Variants in DLG1 observed in about 807,000 individuals in gnomAD.
The protein encoded by DLG1 is disks large homolog 1.
A neutral mutation model predicts 123.4 loss-of-function variants in DLG1; 42 were observed. The observed-to-expected ratio is 0.34, with a 90% CI of 0.27 to 0.44. The LOEUF (loss-of-function observed/expected upper bound fraction) is 0.44, where lower values mean the gene tolerates loss of function less well. DLG1 is among the 20% of genes least tolerant of loss of function. The pLI, the probability that DLG1 is intolerant of heterozygous loss-of-function variation, is 1.00. For missense variants in DLG1, 942 were observed against 1,082.6 expected (o/e 0.87, Z 1.82); for synonymous variants, 317 against 356.2 (o/e 0.89, Z 1.24).
At chr3:197,237,707 G>A (rs560930724) in intron 4 of DLG1, among the ~76,000 whole-genome samples, 1 of 152,290 alleles carries the variant, frequency 6.6e-6, no homozygotes, top group East Asian at 1.9e-4. Context: ...CACTGGCCGG[G>A]GGTAGAGGGA....
chr3:197,232,284 G>A (rs985675444), intron 4 of DLG1, among the ~76,000 whole-genome samples: 26 of 150,050 alleles, frequency 1.7e-4, no homozygotes, highest in African/African-American at 6.4e-4. Context: ...GAAGACAACT[G>A]AGCACAGGAG....
intron 4 of DLG1, among the ~76,000 whole-genome samples, chr3:197,197,050 T>A: frequency 6.6e-6 from 1 of 152,326 alleles, no homozygotes; most frequent in Non-Finnish European, 1.5e-5. Context: ...CTTTTAAGTA[T>A]CTTTTAATTT....
intron 23 of DLG1, among the ~76,000 whole-genome samples, chr3:197,054,974 C>A (rs1051123844): frequency 7.9e-5 from 12 of 152,082 alleles, no homozygotes; most frequent in Non-Finnish European, 1.3e-4. Flanking sequence ...CGCCACCACG[C>A]CCAGCTAATT....
In DLG1 at chr3:197,130,685, C is replaced by A; in HGVS notation, c.1021-14G>T. On this transcript the variant is annotated splice_polypyrimidine_tract_variant and intron_variant, in intron 10 of 24. Transcript: ENST00000667157. ...TACGTTATTCACCTAAAAAAAGTCC[C>A]AAAAGACATTTATGACATATTCACT... is the stretch of plus-strand genomic sequence containing the variant. 1 of 1,576,138 alleles carries A rather than the reference C, an allele frequency of 6.3e-7. No individual in the cohort carries two copies. Among genetic ancestry groups the A allele is most frequent in the South Asian group, 1.2e-5 (1 of 86,310 alleles).
At chr3:197,140,901 T>C (rs1787634722) in intron 7 of DLG1, among the ~76,000 whole-genome samples, 1 of 152,230 alleles carries the variant, frequency 6.6e-6, no homozygotes, top group African/African-American at 2.4e-5. Flanking sequence ...TGAATTTTCT[T>C]GACAGCAAAG....
chr3:197,256,539 T>C (rs918280668), intron 4 of DLG1, among the ~76,000 whole-genome samples: 1 of 152,214 alleles, frequency 6.6e-6, no homozygotes, highest in Non-Finnish European at 1.5e-5. Flanking sequence ...TGCTCAACAG[T>C]ACTACTTTTT....
intron 5 of DLG1, among the ~76,000 whole-genome samples, chr3:197,165,868 C>T (rs886066642): frequency 6.6e-6 from 1 of 152,174 alleles, no homozygotes; most frequent in African/African-American, 2.4e-5. Flanking sequence ...AGCTGGTTTG[C>T]TGACATAATT....
chr3:197,183,320 G>A (rs925438943), intron 5 of DLG1, among the ~76,000 whole-genome samples: 3 of 151,972 alleles, frequency 2.0e-5, no homozygotes, highest in African/African-American at 7.3e-5. Context: ...TGTATCAATG[G>A]GCTTATATTT....
In DLG1 at chr3:197,098,881, T is replaced by C. The variant is rs553154833; in HGVS notation, c.1546+6022A>G. 3.9e-5 allele frequency among the ~76,000 whole-genome samples: 6 copies of C among 152,332 alleles called. No homozygotes were observed. In the South Asian group the frequency reaches 1.0e-3, roughly 26 times the overall value. ...TTCCTCACAGCTACCTTTCTATATGTTCAAAACATACTTCGGCATTTTAAA... is the reference window on the plus strand; with the variant it reads ...TTCCTCACAGCTACCTTTCTATATGCTCAAAACATACTTCGGCATTTTAAA... On this transcript the variant is annotated intron_variant, in intron 14 of 24. Coordinates refer to ENST00000667157, the MANE Select transcript of DLG1 (RefSeq NM_001366207.1).
At chr3:197,281,728 T>A (rs1249766119) in intron 4 of DLG1, among the ~76,000 whole-genome samples, 1 of 152,188 alleles carries the variant, frequency 6.6e-6, no homozygotes, top group African/African-American at 2.4e-5. Flanking sequence ...AATTCAAAGG[T>A]ATAATTGCCC....
At chr3:197,193,880 C>A (rs959758085) in intron 5 of DLG1, among the ~76,000 whole-genome samples, 6 of 150,546 alleles carry the variant, frequency 4.0e-5, no homozygotes, top group Non-Finnish European at 8.9e-5. Flanking sequence ...AGTGCAGTGG[C>A]GTAATCTAGG....
At chr3:197,139,970 A>G (rs1309878933) in intron 8 of DLG1, among the ~76,000 whole-genome samples, 170 bp downstream of exon 8, 1 of 152,244 alleles carries the variant, frequency 6.6e-6, no homozygotes, top group Non-Finnish European at 1.5e-5. Context: ...ACAGGAACAC[A>G]ATGCTTAGAG....
rs1403702387 is a variant in DLG1, at chr3:197,292,937, A to G, written c.151+3409T>C. On this transcript the variant is annotated intron_variant, in intron 3 of 24. Transcript: ENST00000667157. Reference sequence around the variant, plus strand: ...CCGTAAGAAATAACTGCAGGGGTTTAGACTGGTATGAAGTCTCTATGGACT... The same window carrying G: ...CCGTAAGAAATAACTGCAGGGGTTTGGACTGGTATGAAGTCTCTATGGACT... 2.0e-5 allele frequency among the ~76,000 whole-genome samples: 3 copies of G among 152,228 alleles called. No homozygotes were observed. The East Asian group carries it at 5.8e-4, about 29-fold the overall frequency.
intron 18 of DLG1, among the ~76,000 whole-genome samples, chr3:197,075,654 A>G (rs1473225037): frequency 6.6e-6 from 1 of 152,226 alleles, no homozygotes; most frequent in Non-Finnish European, 1.5e-5. Flanking sequence ...ATAAAAACAA[A>G]AAGTTATGTA....
intron 13 of DLG1, among the ~76,000 whole-genome samples, chr3:197,108,904 A>G (rs1417544227): frequency 6.6e-6 from 1 of 152,046 alleles, no homozygotes; most frequent in Non-Finnish European, 1.5e-5. Context: ...TAATTTGGTT[A>G]TTTGTTCTAT....
chr3:197,285,647 A>AT (rs778355522), intron 3 of DLG1, among the ~76,000 whole-genome samples: 3 of 152,198 alleles, frequency 2.0e-5, no homozygotes, highest in Non-Finnish European at 2.9e-5. Context: ...AAGTGAGCAT[A>AT]TATCAAATAT....
At chr3:197,144,104 A>G (rs1789455009) in intron 6 of DLG1, among the ~76,000 whole-genome samples, 1 of 152,204 alleles carries the variant, frequency 6.6e-6, no homozygotes, top group Non-Finnish European at 1.5e-5. Flanking sequence ...CTTTTGCAAT[A>G]TAACTAAATC....
intron 11 of DLG1, among the ~76,000 whole-genome samples, chr3:197,121,823 C>CAA (rs71161995): frequency 0.26 from 26,980 of 101,826 alleles, 3,377 homozygotes; most frequent in East Asian, 0.58. Context: ...ACAATCACCA[C>CAA]AAAAAAAAAA....
At chr3:197,192,533 C>T (rs1013768836) in intron 5 of DLG1, among the ~76,000 whole-genome samples, 2 of 151,980 alleles carry the variant, frequency 1.3e-5, no homozygotes, top group Non-Finnish European at 2.9e-5. Flanking sequence ...CTGCCACTAA[C>T]TGGTAAACAG....
Sources: allele counts gnomAD v4.1 joint callset (sites outside exome capture counted in the v4.1 genomes callset), GRCh38; gene constraint gnomAD v4.1.1; transcripts MANE v1.5; gene names NCBI Gene and HGNC (gene_info 2026-07-23, HGNC 2026-07-21).